FREM1: variants seen among roughly 807,000 people sequenced by gnomAD.
FREM1 encodes FRAS1-related extracellular matrix protein 1.
Under a neutral mutation model 210.1 loss-of-function variants are expected in FREM1, and 220 were observed. The ratio of observed to expected loss-of-function variants is 1.05; its 90% CI spans 0.94 to 1.17. The LOEUF is 1.17. Ranked by LOEUF, FREM1 falls within the 50% of genes most tolerant of loss-of-function variation. The pLI, the probability that FREM1 is intolerant of heterozygous loss-of-function variation, is 0.00. For synonymous variants in FREM1, 1,189 were observed against 980.2 expected (o/e 1.21, Z -3.98); for missense variants, 3,454 against 2,675.5 (o/e 1.29, Z -6.42).
At chr9:14,816,657 C>T (rs1820359913) in intron 15 of FREM1, 121 bp downstream of exon 15, 4 of 461,270 alleles carry the variant, frequency 8.7e-6, no homozygotes, top group South Asian at 1.1e-4. Flanking sequence ...GACTTCCCAG[C>T]CTCCAGAGTC....
In FREM1 at chr9:14,779,476, G is replaced by C. The variant is rs143018861; in HGVS notation, c.4443-3273C>G. 302 of 985,194 alleles carry C rather than the reference G, an allele frequency of 3.1e-4. 1 individual carries two copies. The African/African-American group carries it at 5.0e-3, about 16-fold the overall frequency. 61.0% of individuals were successfully genotyped at this position (985,194 alleles called of 1,614,324 possible). Reference sequence around the variant, plus strand: ...AATGCAAGCTTGAGTGAGTGCCAGGGACTCCATCAGAGGCGGCCATCTTGA... The same window carrying C: ...AATGCAAGCTTGAGTGAGTGCCAGGCACTCCATCAGAGGCGGCCATCTTGA... On this transcript the variant is annotated intron_variant, in intron 24 of 36. Coordinates refer to ENST00000380880, the MANE Select transcript of FREM1 (RefSeq NM_001379081.2).
intron 15 of FREM1, among the ~76,000 whole-genome samples, chr9:14,815,421 T>C (rs566748328): frequency 2.0e-5 from 3 of 152,346 alleles, no homozygotes; most frequent in East Asian, 1.9e-4. Context: ...ATTACCAATA[T>C]AGTAATGAGT....
intron 3 of FREM1, among the ~76,000 whole-genome samples, 182 bp from the exon 4 acceptor site, chr9:14,859,666 G>C (rs1273253395): frequency 1.3e-5 from 2 of 151,970 alleles, no homozygotes; most frequent in Admixed American, 1.3e-4. Flanking sequence ...CTTTACCCTG[G>C]TGTCAACACC....
chr9:14,759,559 C>T (rs886992058), intron 28 of FREM1, among the ~76,000 whole-genome samples: 17 of 72,388 alleles, frequency 2.3e-4, no homozygotes, highest in African/African-American at 5.5e-4. Flanking sequence ...TTCAGCAACA[C>T]GTACACTAAA....
rs139251390 is a variant in FREM1 at position 14,798,071 on chromosome 9, A to G, written c.3695-429T>C. On this transcript the variant is annotated intron_variant, in intron 20 of 36. Coordinates refer to ENST00000380880, the MANE Select transcript of FREM1 (RefSeq NM_001379081.2). The stretch of plus-strand genomic sequence containing the variant: ...TTTTTTTTAAATCTACCTAACATTT[A>G]AATGGAAATTCAAGAGTCTCAGAAC... Among the ~76,000 whole-genome samples, 34 of 152,242 alleles carry G rather than the reference A, an allele frequency of 2.2e-4. No individual in the cohort carries two copies. The East Asian group carries it at 6.0e-3, about 27-fold the overall frequency.
At position 14,784,571 on chromosome 9, in the gene FREM1, G is replaced by C. The variant is rs751619456; in HGVS notation, c.4241C>G (p.Thr1414Ser). ...TCCGTCCACAGCCAGGAGCGTGGTG[G>C]TTGTTAAGAAACCTCTATCACCTTT... Reference protein sequence around the residue: ...VSKGDRGFLTTTTLLAVDGTD... With the variant: ...VSKGDRGFLTSTTLLAVDGTD... Residue 1414 changes from threonine to serine, a missense_variant, in exon 24 of 37, where the codon ACC becomes AGC. Transcript: ENST00000380880. The C allele has an allele frequency of 6.2e-7, 1 of 1,611,782 alleles. No individual in the cohort carries two copies. Among genetic ancestry groups the C allele is most frequent in the Admixed American group, 1.7e-5 (1 of 59,668 alleles).
intron 10 of FREM1, among the ~76,000 whole-genome samples, chr9:14,838,032 T>A (rs1415388155): frequency 1.3e-5 from 2 of 152,222 alleles, no homozygotes; most frequent in African/African-American, 4.8e-5. Flanking sequence ...GGTTAAATGA[T>A]TTGCCCCAGG....
intron 1 of FREM1, among the ~76,000 whole-genome samples, chr9:14,900,914 T>C (rs1459115964): frequency 1.3e-5 from 2 of 152,182 alleles, no homozygotes; most frequent in Non-Finnish European, 2.9e-5. Flanking sequence ...TTTTTTCCTA[T>C]GTTGAGAAAA....
intron 16 of FREM1, among the ~76,000 whole-genome samples, chr9:14,808,489 C>T (rs1818779451): frequency 6.6e-6 from 1 of 152,116 alleles, no homozygotes. Flanking sequence ...TATGACCAAC[C>T]TCAGGGAGAG....
intron 1 of FREM1, among the ~76,000 whole-genome samples, chr9:14,889,936 T>A (rs747073910): frequency 2.0e-5 from 3 of 152,074 alleles, no homozygotes; most frequent in African/African-American, 4.8e-5. Flanking sequence ...TATGGGAAAA[T>A]GTATTAGGAC....
At chr9:14,885,745 T>C (rs1432574078) in intron 1 of FREM1, among the ~76,000 whole-genome samples, 1 of 152,194 alleles carries the variant, frequency 6.6e-6, no homozygotes, top group Non-Finnish European at 1.5e-5. Flanking sequence ...TTTTGCAATA[T>C]ATACATACAC....
At chr9:14,845,789 T>G (rs1268133543) in intron 8 of FREM1, among the ~76,000 whole-genome samples, 171 bp downstream of exon 8, 1 of 152,244 alleles carries the variant, frequency 6.6e-6, no homozygotes, top group African/African-American at 2.4e-5. Context: ...GACATTGATC[T>G]GAGCATTTGA....
Position 14,890,728 on chromosome 9 carries a change from G to A in FREM1, c.-268+19186C>T, listed in dbSNP as rs746313150. Among the ~76,000 whole-genome samples the A allele has an allele frequency of 6.6e-5, 10 of 152,116 alleles. No individual in the cohort carries two copies. In the South Asian group the frequency reaches 8.3e-4, roughly 13 times the overall value. On this transcript the variant is annotated intron_variant, in intron 1 of 36. Coordinates refer to ENST00000380880, the MANE Select transcript of FREM1 (RefSeq NM_001379081.2). The stretch of plus-strand genomic sequence containing the variant: ...CCAGGATATCCCTTGGAAACCAGAC[G>A]TCTGCCTGTTTCTACAGAGGCCTTC...
At chr9:14,829,015 A>G (rs555665823) in intron 10 of FREM1, among the ~76,000 whole-genome samples, 1 of 152,362 alleles carries the variant, frequency 6.6e-6, no homozygotes, top group South Asian at 2.1e-4. Context: ...CAGAGCTGTT[A>G]TAAGGATCAA....
chr9:14,825,636 C>G (rs1488150751), intron 10 of FREM1, among the ~76,000 whole-genome samples: 2 of 147,288 alleles, frequency 1.4e-5, no homozygotes, highest in African/African-American at 2.5e-5. Flanking sequence ...AAAATATGTT[C>G]CTGGTTTTAT....
At chr9:14,768,240 C>T (rs1465901314) in intron 27 of FREM1, among the ~76,000 whole-genome samples, 1 of 148,108 alleles carries the variant, frequency 6.8e-6, no homozygotes, top group African/African-American at 2.5e-5. Flanking sequence ...ATCAACATTC[C>T]TATGTTTTCT....
chr9:14,876,778 G>A (rs183549248), intron 1 of FREM1, among the ~76,000 whole-genome samples: 12 of 152,268 alleles, frequency 7.9e-5, no homozygotes, highest in African/African-American at 2.4e-4. Context: ...CATCGCTCAC[G>A]CTAGGAGCTA....
chr9:14,820,337 C>A (rs946366775), intron 13 of FREM1, among the ~76,000 whole-genome samples: 16 of 152,152 alleles, frequency 1.1e-4, no homozygotes, highest in Non-Finnish European at 1.5e-4. Flanking sequence ...CAGTGGGGTA[C>A]CAAATCACGG....
intron 23 of FREM1, among the ~76,000 whole-genome samples, chr9:14,786,715 C>T (rs1205605641): frequency 6.6e-6 from 1 of 152,238 alleles, no homozygotes; most frequent in Non-Finnish European, 1.5e-5. Context: ...TTTCAGATTA[C>T]TAAATTGGTC....
Sources: allele counts gnomAD v4.1 joint callset (sites outside exome capture counted in the v4.1 genomes callset), GRCh38; gene constraint gnomAD v4.1.1; transcripts MANE v1.5; gene names NCBI Gene and HGNC (gene_info 2026-07-23, HGNC 2026-07-21).